Variants in LRRC41 observed in about 807,000 individuals in gnomAD.
LRRC41 encodes the protein leucine rich repeat containing 41.
A neutral mutation model predicts 72.1 loss-of-function variants in LRRC41; 17 were observed. That is an observed-to-expected ratio of 0.24 (90% CI 0.16 to 0.35). LRRC41 has a LOEUF of 0.35. Ranked by LOEUF, LRRC41 falls within the 10% of genes least tolerant of loss-of-function variation. The pLI is 1.00. For synonymous variants in LRRC41, 427 were observed against 431.0 expected (o/e 0.99, Z 0.11); for missense variants, 759 against 1,065.0 (o/e 0.71, Z 4.00).
rs561817695 is a variant in LRRC41 at position 46,302,266 on chromosome 1, C to T, written c.199+858G>A. On this transcript the variant is annotated intron_variant, in intron 1 of 9. Coordinates refer to ENST00000617190, the MANE Select transcript of LRRC41 (RefSeq NM_006369.5). This position sits in a 1 kb window ranked among gnomAD's most constrained non-coding sequence, Gnocchi z 4.7. Reference sequence around the variant, plus strand: ...GCCCGGCAGTCCGGGATCCCCGGGCCGTCGCCCCGCTTGGGGCCTCCTTGG... The same window carrying T: ...GCCCGGCAGTCCGGGATCCCCGGGCTGTCGCCCCGCTTGGGGCCTCCTTGG... 2.1e-5 allele frequency: 21 copies of T among 985,396 alleles called. No homozygotes were observed. In the African/African-American group the frequency reaches 3.0e-4, roughly 14 times the overall value. The allele number at this position is 985,396 out of a possible 1,614,324, so 61.0% of individuals were successfully genotyped here.
chr1:46,299,002 T>C (rs1003019910), intron 1 of LRRC41: 35 of 152,296 alleles, frequency 2.3e-4, no homozygotes, highest in African/African-American at 8.2e-4. Flanking sequence ...ACCACTACCA[T>C]CCTTTGGGCT....
At position 46,303,132 on chromosome 1, in the gene LRRC41, C is replaced by T; in HGVS notation, c.191G>A (p.Gly64Glu). The T allele has an allele frequency of 6.8e-7, 1 of 1,460,780 alleles. No homozygotes were observed. Among genetic ancestry groups the T allele is most frequent in the Non-Finnish European group, 9.0e-7 (1 of 1,107,912 alleles). 90.5% of individuals were successfully genotyped at this position (1,460,780 alleles called of 1,614,324 possible). Residue 64 changes from glycine (G) to glutamate (E), a missense_variant, in exon 1 of 10, where the codon GGG (glycine) becomes GAG (glutamate). Physicochemically the swap from Gly to Glu is moderately conservative, Grantham distance 98. This residue lies in a region of LRRC41 where 116 missense variants were observed against 250.9 expected (regional missense o/e 0.46). Coordinates refer to ENST00000617190, the MANE Select transcript of LRRC41 (RefSeq NM_006369.5). ...CTCACCCCGCGACTTACCCCACACC[C>T]CGCTCTCCAGAACCCCCATATGGGC... ...VSAHMGVLESGVWALPGPILQ... is the reference protein window; with the variant it reads ...VSAHMGVLESEVWALPGPILQ...
At chr1:46,291,660 A>G (rs1003238341) in intron 3 of LRRC41, among the ~76,000 whole-genome samples, 8 of 149,774 alleles carry the variant, frequency 5.3e-5, no homozygotes, top group African/African-American at 1.7e-4. Context: ...CCCAGGCTCA[A>G]GTGATTCTCC....
chr1:46,292,794 T>G (rs1183559240), intron 3 of LRRC41, among the ~76,000 whole-genome samples: 2 of 150,610 alleles, frequency 1.3e-5, no homozygotes, highest in African/African-American at 4.8e-5. Flanking sequence ...GCATTTTCAT[T>G]TTTTTAATTT....
intron 3 of LRRC41, among the ~76,000 whole-genome samples, chr1:46,291,840 G>A (rs1026283199): frequency 5.3e-5 from 8 of 151,220 alleles, no homozygotes; most frequent in African/African-American, 1.7e-4. Flanking sequence ...GATTACAGGT[G>A]GGAGCCACCA....
chr1:46,287,825 A>G (rs563213036), intron 3 of LRRC41, among the ~76,000 whole-genome samples: 21 of 152,324 alleles, frequency 1.4e-4, no homozygotes, highest in Admixed American at 1.2e-3. Context: ...GCCTGTGTAC[A>G]TGTCTTATCC....
rs751499678 is a variant in LRRC41, at chr1:46,285,635, C to T, written c.1222G>A (p.Ala408Thr). 6.2e-7 allele frequency: 1 copy of T among 1,614,182 alleles called. No homozygotes were observed. Among genetic ancestry groups the T allele is most frequent in the African/African-American group, 1.3e-5 (1 of 75,062 alleles). ...KGARTRQGPG[A>T]ESEDLYDFVF... ...AAGTCATACAGGTCTTCAGACTCTG[C>T]ACCAGGCCCCTGACGGGTGCGAGCA... Residue 408 changes from alanine (A) to threonine (T), a missense_variant, in exon 4 of 10, where the codon GCA (alanine) becomes ACA (threonine). Ala to Thr is a moderately conservative substitution (Grantham distance 58). Around this residue, in one of 4 missense-constraint regions of LRRC41, gnomAD observed 427 missense variants for 520.9 expected, o/e 0.82. Transcript: ENST00000617190. The surrounding 1 kb of genome is among the most constrained non-coding windows in gnomAD (Gnocchi z 5.3).
At chr1:46,292,570 G>A (rs1661041329) in intron 3 of LRRC41, among the ~76,000 whole-genome samples, 1 of 152,198 alleles carries the variant, frequency 6.6e-6, no homozygotes, top group Admixed American at 6.5e-5. Flanking sequence ...AAACTAAGAG[G>A]TGAAATAGGG....
In LRRC41 at chr1:46,284,866, G is replaced by A. The variant is rs867577955; in HGVS notation, c.1495+496C>T. 3.0e-5 allele frequency: 5 copies of A among 164,194 alleles called. No individual in the cohort carries two copies. The South Asian group carries it at 5.0e-4, about 17-fold the overall frequency. The allele number at this position is 164,194 out of a possible 1,614,324, so 10.2% of individuals were successfully genotyped here. On this transcript the variant is annotated intron_variant, in intron 4 of 9. Transcript: ENST00000617190. ...TCTAGCAGTGCTCAGCAACCTAGGC[G>A]GATTGCTGGATTTAGCCAGAGTTGA...
chr1:46,290,422 A>C (rs1557716467), intron 3 of LRRC41, among the ~76,000 whole-genome samples: 1 of 152,104 alleles, frequency 6.6e-6, no homozygotes, highest in African/African-American at 2.4e-5. Flanking sequence ...GTGTAAACTA[A>C]CTCTGGAGTA....
At chr1:46,287,403 T>C (rs1159831785) in intron 3 of LRRC41, among the ~76,000 whole-genome samples, 2 of 152,102 alleles carry the variant, frequency 1.3e-5, no homozygotes, top group Non-Finnish European at 2.9e-5. Flanking sequence ...CCACCACGCC[T>C]GGCCTCCAAC....
At chr1:46,288,497 G>A (rs952965201) in intron 3 of LRRC41, among the ~76,000 whole-genome samples, 1 of 152,262 alleles carries the variant, frequency 6.6e-6, no homozygotes, top group Non-Finnish European at 1.5e-5. Context: ...TGGAGGCAGA[G>A]CCTGTTAAGC....
chr1:46,301,993 C>G (rs1281579060), intron 1 of LRRC41: 2 of 985,274 alleles, frequency 2.0e-6, no homozygotes, highest in Non-Finnish European at 2.4e-6. Flanking sequence ...TCCCCTCTTT[C>G]ACTTGCCCCA....
At position 46,285,644 on chromosome 1, in the gene LRRC41, C is replaced by A. The variant is rs147206665; in HGVS notation, c.1213G>T (p.Gly405Trp). The change falls in exon 4 of 10, where the codon GGG becomes TGG. Residue 405 changes from glycine to tryptophan, a missense_variant. Transcript: ENST00000617190. The surrounding 1 kb of genome is among the most constrained non-coding windows in gnomAD (Gnocchi z 5.3). ...AGKKGARTRQ[G>W]PGAESEDLYD... ...AGGTCTTCAGACTCTGCACCAGGCC[C>A]CTGACGGGTGCGAGCACCCTTCTTC... 2.0e-4 allele frequency: 325 copies of A among 1,614,080 alleles called. No individual in the cohort carries two copies. The highest frequency in any genetic ancestry group is 2.6e-4 in the Non-Finnish European group (302 of 1,180,040).
In LRRC41 at chr1:46,279,177, T is replaced by C. The variant is rs753294271; in HGVS notation, c.2219+5A>G. On this transcript the variant is annotated splice_donor_5th_base_variant and intron_variant, in intron 9 of 9. Coordinates refer to ENST00000617190, the MANE Select transcript of LRRC41 (RefSeq NM_006369.5). This position sits in a 1 kb window ranked among gnomAD's most constrained non-coding sequence, Gnocchi z 4.5. The stretch of plus-strand genomic sequence containing the variant: ...ATCCCTTGTCTTGCCCCTCCCCTCA[T>C]GTACCTGATGTCCAGCTGACAGAGA... 6.2e-7 allele frequency: 1 copy of C among 1,614,056 alleles called. No individual in the cohort carries two copies. Among genetic ancestry groups the C allele is most frequent in the Non-Finnish European group, 8.5e-7 (1 of 1,179,946 alleles).
Position 46,302,057 on chromosome 1 carries a change from A to C in LRRC41, c.199+1067T>G, listed in dbSNP as rs1304445419. ...GCCAGGCCGCGGCCAGCGGTCCCCA[A>C]CCCACAGCCCCGCCTCCCAGCCCAA... On this transcript the variant is annotated intron_variant, in intron 1 of 9. Coordinates refer to ENST00000617190, the MANE Select transcript of LRRC41 (RefSeq NM_006369.5). This position sits in a 1 kb window ranked among gnomAD's most constrained non-coding sequence, Gnocchi z 4.7. 3.0e-6 allele frequency: 3 copies of C among 984,348 alleles called. No homozygotes were observed. The highest frequency in any genetic ancestry group is 3.6e-6 in the Non-Finnish European group (3 of 829,572). The allele number at this position is 984,348 out of a possible 1,614,324, so 61.0% of individuals were successfully genotyped here. A position where few individuals can be genotyped will look rare whatever the true frequency, so the allele number is the denominator to read the frequency against.
Position 46,286,421 on chromosome 1 carries a change from C to T in LRRC41, c.436G>A (p.Asp146Asn). 2 of 1,614,152 alleles carry T rather than the reference C, an allele frequency of 1.2e-6. No individual in the cohort carries two copies. The highest frequency in any genetic ancestry group is 1.7e-6 in the Non-Finnish European group (2 of 1,180,028). Residue 146 changes from aspartate to asparagine, a missense_variant, in exon 4 of 10, where the codon GAC becomes AAC. Asp to Asn is a conservative substitution (Grantham distance 23, BLOSUM62 1). Around this residue, in one of 4 missense-constraint regions of LRRC41, gnomAD observed 116 missense variants for 250.9 expected, o/e 0.46. Transcript: ENST00000617190. The surrounding 1 kb of genome is among the most constrained non-coding windows in gnomAD (Gnocchi z 5.5). ...AACCGCTGATCACAAAGACGCCTGT[C>T]AGAAGACACATCAATGGTCCCACGT... ...VLRGTIDVSS[D>N]RRLCDQRFSP...
At position 46,279,922 on chromosome 1, in the gene LRRC41, T is replaced by C. The variant is rs1182804620; in HGVS notation, c.2020+270A>G. ...AGTCTATGAGGGGAGCCTGGCACAGTACATTTATTTTGCCCCACCACCACC... is the reference window on the plus strand; with the variant it reads ...AGTCTATGAGGGGAGCCTGGCACAGCACATTTATTTTGCCCCACCACCACC... On this transcript the variant is annotated intron_variant, in intron 7 of 9. Coordinates refer to ENST00000617190, the MANE Select transcript of LRRC41 (RefSeq NM_006369.5). This position sits in a 1 kb window ranked among gnomAD's most constrained non-coding sequence, Gnocchi z 4.5. Among the ~76,000 whole-genome samples the C allele has an allele frequency of 6.6e-6, 1 of 152,196 alleles. No individual in the cohort carries two copies. Among genetic ancestry groups the C allele is most frequent in the African/African-American group, 2.4e-5 (1 of 41,440 alleles).
In LRRC41 at chr1:46,302,464, G is replaced by A. The variant is rs979794847; in HGVS notation, c.199+660C>T. On this transcript the variant is annotated intron_variant, in intron 1 of 9. Transcript: ENST00000617190. The surrounding 1 kb of genome is among the most constrained non-coding windows in gnomAD (Gnocchi z 4.7). ...CGGTCGCTTAGTCAGTTTGGCACCCGAGACCCCGGTTGTCGGTTCGCTCCC... is the reference window on the plus strand; with the variant it reads ...CGGTCGCTTAGTCAGTTTGGCACCCAAGACCCCGGTTGTCGGTTCGCTCCC... 6.3e-5 allele frequency: 62 copies of A among 985,192 alleles called. No homozygotes were observed. Among genetic ancestry groups the A allele is most frequent in the South Asian group, 3.3e-4 (7 of 21,286 alleles). The allele number at this position is 985,192 out of a possible 1,614,324, so 61.0% of individuals were successfully genotyped here. A position where few individuals can be genotyped will look rare whatever the true frequency, so the allele number is the denominator to read the frequency against.
Sources: gnomAD v4.1 joint callset for allele counts (sites outside exome capture counted in the v4.1 genomes callset) on GRCh38, gnomAD v4.1.1 for gene constraint, gnomAD v4.1.1 regional missense constraint, Gnocchi (gnomAD v3.1) non-coding constraint, MANE v1.5 for transcripts, NCBI Gene and HGNC (gene_info 2026-07-23, HGNC 2026-07-21) for gene names.